NAGA: variants seen among roughly 807,000 people sequenced by gnomAD.
The protein encoded by NAGA is alpha-N-acetylgalactosaminidase.
Under a neutral mutation model 45.6 loss-of-function variants are expected in NAGA, and 42 were observed. That is an observed-to-expected ratio of 0.92 (90% confidence interval 0.72 to 1.19). The LOEUF is 1.19. Among genes scored for constraint, NAGA ranks in the 50% most tolerant of loss-of-function variants. The pLI is 0.00. For missense variants in NAGA, 493 were observed against 544.8 expected, an observed-to-expected ratio of 0.90 and a Z score of 0.95; for synonymous variants, 176 against 203.1, an observed-to-expected ratio of 0.87 and a Z score of 1.13.
At chr22:42,063,264 G>A (rs532831332) in intron 6 of NAGA, among the ~76,000 whole-genome samples, 161 of 152,092 alleles carry the variant, frequency 1.1e-3, no homozygotes, top group Non-Finnish European at 1.9e-3. Context: ...CGGCGGTAGG[G>A]GGGTGGGCAG....
intron 8 of NAGA, 97 bp from the exon 9 acceptor site, chr22:42,060,510 G>C (rs1926308572): frequency 2.6e-6 from 4 of 1,551,076 alleles, no homozygotes; most frequent in Non-Finnish European, 3.5e-6. Context: ...CTGGACTTTG[G>C]CCTGTCTGTG....
At chr22:42,070,066 C>T (rs1488862480) in intron 1 of NAGA, among the ~76,000 whole-genome samples, 1 of 152,208 alleles carries the variant, frequency 6.6e-6, no homozygotes, top group Non-Finnish European at 1.5e-5. Context: ...TCAGTTAGGG[C>T]CTCTGTGCTT....
At chr22:42,062,477 G>A (rs2854837) in intron 7 of NAGA, among the ~76,000 whole-genome samples, 106,363 of 152,054 alleles carry the variant, frequency 0.7, 37,372 homozygotes, top group East Asian at 0.85. Flanking sequence ...AAAACAAACA[G>A]ACCAGCTCCT....
At chr22:42,069,342 C>G (rs139824151) in intron 1 of NAGA, among the ~76,000 whole-genome samples, 11 of 152,164 alleles carry the variant, frequency 7.2e-5, no homozygotes, top group Non-Finnish European at 1.6e-4. Flanking sequence ...AGGCCAGGCA[C>G]GGTGGCTCAC....
intron 8 of NAGA, 69 bp from the exon 9 acceptor site, chr22:42,060,482 G>T: frequency 6.2e-7 from 1 of 1,602,426 alleles, no homozygotes; most frequent in Non-Finnish European, 8.5e-7. Flanking sequence ...CCCGCTAGAG[G>T]ATGTAGAAGC....
In NAGA at chr22:42,065,731, C is replaced by T; in HGVS notation, c.759+7G>A. ...GGGCCTAGGGACATCCCCCTCCATCCTGGTACCATGTCAGGGTCATTCCAG... is the reference window on the plus strand; with the variant it reads ...GGGCCTAGGGACATCCCCCTCCATCTTGGTACCATGTCAGGGTCATTCCAG... On this transcript the variant is annotated splice_region_variant and intron_variant, in intron 6 of 8. Coordinates refer to ENST00000396398, the MANE Select transcript of NAGA (RefSeq NM_000262.3). 1 of 1,613,724 alleles carries T rather than the reference C, an allele frequency of 6.2e-7. No homozygotes were observed.
intron 8 of NAGA, 83 bp downstream of exon 8, chr22:42,060,841 A>G: frequency 1.3e-6 from 2 of 1,586,772 alleles, no homozygotes; most frequent in South Asian, 2.2e-5. Flanking sequence ...AGGGGAGGCC[A>G]TATGTGAACA....
At chr22:42,066,947 TC>T in intron 4 of NAGA, 143 bp from the exon 5 acceptor site, 1 of 1,374,878 alleles carries the variant, frequency 7.3e-7, no homozygotes, top group Non-Finnish European at 1.0e-6. Flanking sequence ...CTCAAATGCT[TC>T]CAGGGTGGGC....
chr22:42,070,369 G>A lies in NAGA; in HGVS notation c.-72C>T. 2 of 1,590,084 alleles carry A rather than the reference G, an allele frequency of 1.3e-6. No individual in the cohort carries two copies. The highest frequency in any genetic ancestry group is 1.7e-6 in the Non-Finnish European group (2 of 1,158,130). On this transcript the variant is annotated 5_prime_UTR_variant, in exon 1 of 9. Transcript: ENST00000396398. ...GTATCAGCTGTATGTGTTGGGCTCTGGAAGCTAAGAAACGTCTGAAAAGCA... is the reference window on the plus strand; with the variant it reads ...GTATCAGCTGTATGTGTTGGGCTCTAGAAGCTAAGAAACGTCTGAAAAGCA...
In NAGA at chr22:42,067,262, A is replaced by G. The variant is rs1926796056; in HGVS notation, c.353T>C (p.Ile118Thr). ...GGTGAAGTTGCCCATGTCCGCGTAGATACCCAACTTCAGGCCCAGGGAGTG... is the reference window on the plus strand; with the variant it reads ...GGTGAAGTTGCCCATGTCCGCGTAGGTACCCAACTTCAGGCCCAGGGAGTG... ...YVHSLGLKLG[I>T]YADMGNFTCM... is the part of the protein sequence containing the mutation. The change falls in exon 4 of 9, where the codon ATC (isoleucine) becomes ACC (threonine). Residue 118 changes from isoleucine to threonine, a missense_variant. By Grantham distance (89) the Ile-to-Thr change is moderately conservative (BLOSUM62 -1). Coordinates refer to ENST00000396398, the MANE Select transcript of NAGA (RefSeq NM_000262.3). 2 of 1,614,128 alleles carry G rather than the reference A, an allele frequency of 1.2e-6. No individual in the cohort carries two copies. Among genetic ancestry groups the G allele is most frequent in the Non-Finnish European group, 1.7e-6 (2 of 1,180,022 alleles).
Position 42,070,526 on chromosome 22 carries a change from G to A in NAGA, c.-229C>T. The A allele has an allele frequency of 1.6e-6, 1 of 640,644 alleles. No individual in the cohort carries two copies. The highest frequency in any genetic ancestry group is 1.7e-5 in the South Asian group (1 of 57,886). 39.7% of individuals were successfully genotyped at this position (640,644 alleles called of 1,614,324 possible). A position where few individuals can be genotyped will look rare whatever the true frequency, so the allele number is the denominator to read the frequency against. On this transcript the variant is annotated 5_prime_UTR_variant, in exon 1 of 9. Transcript: ENST00000396398. ...GCTTCAGTTCTTCCTTCAGAAATAC[G>A]AAACAACGTGTCTTGGATGTCAGAC...
chr22:42,061,105 C>T, intron 7 of NAGA, 38 bp from the exon 8 acceptor site: 4 of 1,609,708 alleles, frequency 2.5e-6, no homozygotes, highest in Non-Finnish European at 3.4e-6. Flanking sequence ...GGGTCCCTTG[C>T]TCAGACAGGA....
At chr22:42,065,389 G>A (rs567188425) in intron 6 of NAGA, among the ~76,000 whole-genome samples, 1 of 152,190 alleles carries the variant, frequency 6.6e-6, no homozygotes, top group Middle Eastern at 3.2e-3. Context: ...GGGGAGAGCA[G>A]TCCAGGCACT....
intron 5 of NAGA, 89 bp downstream of exon 5, chr22:42,066,621 G>T: frequency 7.9e-7 from 1 of 1,269,980 alleles, no homozygotes; most frequent in Non-Finnish European, 1.1e-6. Context: ...CCCTGGCTCT[G>T]GAAGGCCCCG....
intron 6 of NAGA, 99 bp downstream of exon 6, chr22:42,065,639 C>G (rs1465235761): frequency 6.6e-7 from 1 of 1,520,086 alleles, no homozygotes; most frequent in Non-Finnish European, 9.0e-7. Flanking sequence ...TGACCTAGAA[C>G]CCGGCAGTGA....
intron 2 of NAGA, 70 bp downstream of exon 2, chr22:42,068,369 C>G: frequency 6.2e-7 from 1 of 1,610,744 alleles, no homozygotes; most frequent in Non-Finnish European, 8.5e-7. Flanking sequence ...CTAGTGGACT[C>G]TCCACTTCCT....
chr22:42,065,722 C>G lies in NAGA; in HGVS notation c.759+16G>C, dbSNP rs373850618. 42 of 1,613,386 alleles carry G rather than the reference C, an allele frequency of 2.6e-5. No individual in the cohort carries two copies. The highest frequency in any genetic ancestry group is 3.6e-5 in the Non-Finnish European group (42 of 1,179,982). On this transcript the variant is annotated intron_variant, in intron 6 of 8. Transcript: ENST00000396398. ...ACAGATGGTGGGCCTAGGGACATCC[C>G]CCTCCATCCTGGTACCATGTCAGGG...
At chr22:42,060,649 G>A (rs976914933) in intron 8 of NAGA, among the ~76,000 whole-genome samples, 3 of 152,202 alleles carry the variant, frequency 2.0e-5, no homozygotes, top group Admixed American at 6.5e-5. Context: ...TGTGAGGAAC[G>A]TGCCAGCAAG....
intron 6 of NAGA, among the ~76,000 whole-genome samples, chr22:42,065,470 A>G (rs1926668120): frequency 6.6e-6 from 1 of 152,196 alleles, no homozygotes; most frequent in African/African-American, 2.4e-5. Flanking sequence ...TACAGACCCA[A>G]GTTCTTGAGC....
Sources: gnomAD v4.1 joint callset for allele counts (sites outside exome capture counted in the v4.1 genomes callset) on GRCh38, gnomAD v4.1.1 for gene constraint, MANE v1.5 for transcripts, NCBI Gene and HGNC (gene_info 2026-07-23, HGNC 2026-07-21) for gene names.